DACH1: variants seen among roughly 807,000 people sequenced by gnomAD.
DACH1 encodes the protein dachshund family transcription factor 1.
In DACH1, 12 loss-of-function variants were observed where a neutral mutation model predicts 54.2. The ratio of observed to expected loss-of-function variants is 0.22; its 90% CI spans 0.14 to 0.36. DACH1 has a LOEUF of 0.36. Ranked by LOEUF, DACH1 falls within the 10% of genes least tolerant of loss-of-function variation. DACH1 has a pLI of 1.00. For missense variants in DACH1, 805 were observed against 929.8 expected, an observed-to-expected ratio of 0.87 and a Z score of 1.75; for synonymous variants, 386 against 366.2, an observed-to-expected ratio of 1.05 and a Z score of -0.62.
At chr13:71,515,137 T>C (rs946130626) in intron 6 of DACH1, among the ~76,000 whole-genome samples, 3 of 151,994 alleles carry the variant, frequency 2.0e-5, no homozygotes, top group East Asian at 1.9e-4. Context: ...TCCAGGCCAA[T>C]GTAAATTTTG....
At chr13:71,524,858 G>C (rs539555091) in intron 6 of DACH1, among the ~76,000 whole-genome samples, 4 of 152,042 alleles carry the variant, frequency 2.6e-5, no homozygotes, top group Non-Finnish European at 5.9e-5. Context: ...GAACAGGCGC[G>C]AAGGTGAAAA....
At chr13:71,558,303 A>G (rs1884381622) in intron 5 of DACH1, among the ~76,000 whole-genome samples, 1 of 152,028 alleles carries the variant, frequency 6.6e-6, no homozygotes. Context: ...CTGTTAGTCT[A>G]AAATTACTTT....
intron 6 of DACH1, among the ~76,000 whole-genome samples, chr13:71,553,864 T>A (rs1237598291): frequency 6.6e-6 from 1 of 151,772 alleles, no homozygotes; most frequent in Non-Finnish European, 1.5e-5. Flanking sequence ...ATGTTTAAGT[T>A]ACTGATGCTT....
Position 71,475,216 on chromosome 13 carries a change from G to A in DACH1, c.2015-7C>T. 1 of 1,612,554 alleles carries A rather than the reference G, an allele frequency of 6.2e-7. No individual in the cohort carries two copies. Among genetic ancestry groups the A allele is most frequent in the Non-Finnish European group, 8.5e-7 (1 of 1,178,760 alleles). On this transcript the variant is annotated splice_region_variant and splice_polypyrimidine_tract_variant and intron_variant, in intron 9 of 10. Transcript: ENST00000613252. The stretch of plus-strand genomic sequence containing the variant: ...ATCTCTGGGGTCAGAGAGTCTAAAA[G>A]CACAGAAAGGTAAGAGTGACACATA...
chr13:71,474,748 G>A (rs991063451), intron 10 of DACH1, among the ~76,000 whole-genome samples: 4 of 152,060 alleles, frequency 2.6e-5, no homozygotes, highest in Non-Finnish European at 5.9e-5. Context: ...ATAAAAATGA[G>A]TAGTTAGACA....
chr13:71,801,628 T>A (rs1182245662), intron 1 of DACH1, among the ~76,000 whole-genome samples: 1 of 152,160 alleles, frequency 6.6e-6, no homozygotes, highest in Non-Finnish European at 1.5e-5. Flanking sequence ...GGCAAATTGC[T>A]TTCTTATTTA....
chr13:71,508,901 G>A (rs187192407), intron 6 of DACH1, among the ~76,000 whole-genome samples: 161 of 152,082 alleles, frequency 1.1e-3, no homozygotes, highest in Non-Finnish European at 2.0e-3. Context: ...TCTATTCCTC[G>A]CAGTGATACC....
At chr13:71,773,813 A>C (rs1488800086) in intron 1 of DACH1, among the ~76,000 whole-genome samples, 4 of 152,078 alleles carry the variant, frequency 2.6e-5, no homozygotes. Context: ...TATCATTGAG[A>C]ATATATCTTT....
intron 1 of DACH1, among the ~76,000 whole-genome samples, chr13:71,740,202 C>T (rs577399624): frequency 8.1e-4 from 124 of 152,226 alleles, no homozygotes; most frequent in African/African-American, 2.5e-3. Context: ...ACAGCTAAAT[C>T]GCACATCTGG....
At position 71,800,222 on chromosome 13, in the gene DACH1, C is replaced by G. The variant is rs967995269; in HGVS notation, c.848+65700G>C. 2.0e-5 allele frequency among the ~76,000 whole-genome samples: 3 copies of G among 152,118 alleles called. No individual in the cohort carries two copies. The East Asian group carries it at 5.8e-4, about 29-fold the overall frequency. ...TGATTATATACAAATTTAATTCTTT[C>G]TAAGAACAACATCTGAGAAAGGAAC... On this transcript the variant is annotated intron_variant, in intron 1 of 10. Transcript: ENST00000613252.
chr13:71,559,802 T>C lies in DACH1; in HGVS notation c.1435+18A>G, dbSNP rs1884473229. ...TAATAAAGTTTAAAATGGTGACAAG[T>C]AGAAGTATGAGACCTACGGATTCTG... On this transcript the variant is annotated intron_variant, in intron 5 of 10. Coordinates refer to ENST00000613252, the MANE Select transcript of DACH1 (RefSeq NM_080759.6). 1.2e-6 allele frequency: 2 copies of C among 1,613,300 alleles called. No homozygotes were observed. The highest frequency in any genetic ancestry group is 1.3e-5 in the African/African-American group (1 of 74,804).
intron 10 of DACH1, among the ~76,000 whole-genome samples, chr13:71,466,501 C>T (rs1285115603): frequency 2.0e-5 from 3 of 152,018 alleles, no homozygotes; most frequent in Admixed American, 2.0e-4. Context: ...AATTTATCTC[C>T]CGAACTCTCA....
At chr13:71,736,211 T>C (rs980126481) in intron 1 of DACH1, among the ~76,000 whole-genome samples, 1 of 152,124 alleles carries the variant, frequency 6.6e-6, no homozygotes, top group Non-Finnish European at 1.5e-5. Flanking sequence ...TGAAAACAAA[T>C]CTCAAAGTTA....
chr13:71,646,349 A>C (rs1295079697), intron 2 of DACH1, among the ~76,000 whole-genome samples: 2 of 151,876 alleles, frequency 1.3e-5, no homozygotes, highest in Non-Finnish European at 2.9e-5. Flanking sequence ...AAAAAAAAAA[A>C]GAAAAAAAAA....
intron 1 of DACH1, among the ~76,000 whole-genome samples, chr13:71,708,653 T>A (rs76618891): frequency 0.018 from 2,697 of 152,028 alleles, 84 homozygotes; most frequent in African/African-American, 0.061. Context: ...TGCAAAATAA[T>A]CTTCGTTGAA....
chr13:71,618,442 A>G (rs1303468329), intron 3 of DACH1, among the ~76,000 whole-genome samples: 1 of 152,094 alleles, frequency 6.6e-6, no homozygotes, highest in African/African-American at 2.4e-5. Context: ...TTAAAAATCA[A>G]TTAGAAGTTA....
chr13:71,824,136 C>G (rs1888294670), intron 1 of DACH1, among the ~76,000 whole-genome samples: 1 of 151,822 alleles, frequency 6.6e-6, no homozygotes, highest in African/African-American at 2.4e-5. Flanking sequence ...GACTCTTCAA[C>G]AGAGTTGTCA....
At chr13:71,575,067 C>A (rs1386038972) in intron 3 of DACH1, among the ~76,000 whole-genome samples, 1 of 151,838 alleles carries the variant, frequency 6.6e-6, no homozygotes, top group African/African-American at 2.4e-5. Flanking sequence ...AAAGTACATG[C>A]AATTTTTTTA....
intron 1 of DACH1, among the ~76,000 whole-genome samples, chr13:71,742,026 G>A (rs557548696): frequency 1.5e-4 from 23 of 152,258 alleles, no homozygotes; most frequent in African/African-American, 5.5e-4. Flanking sequence ...GGAGGTAATT[G>A]AATCATGGGG....
Sources: allele counts gnomAD v4.1 joint callset (sites outside exome capture counted in the v4.1 genomes callset), GRCh38; gene constraint gnomAD v4.1.1; transcripts MANE v1.5; gene names NCBI Gene and HGNC (gene_info 2026-07-23, HGNC 2026-07-21).